Variants in EXOC5 observed in about 807,000 individuals in gnomAD.
EXOC5 encodes exocyst complex component 5.
Under a neutral mutation model 90.8 loss-of-function variants are expected in EXOC5, and 17 were observed. That is an observed-to-expected ratio of 0.19 (90% CI 0.13 to 0.28). The LOEUF (loss-of-function observed/expected upper bound fraction) is 0.28. Among genes scored for constraint, EXOC5 ranks in the 10% least tolerant of loss-of-function variants. EXOC5 has a pLI of 1.00. For missense variants in EXOC5, 569 were observed against 830.6 expected (o/e 0.69, Z 3.87); for synonymous variants, 260 against 270.0 (o/e 0.96, Z 0.36).
In EXOC5 at chr14:57,204,388, C is replaced by A. The variant is rs1287067345; in HGVS notation, c.*4221G>T. On this transcript the variant is annotated 3_prime_UTR_variant, in exon 18 of 18. Coordinates refer to ENST00000621441, the MANE Select transcript of EXOC5 (RefSeq NM_006544.4). ...GTAAGAGTTATGACAGCTTTTAAAA[C>A]CCTTAACATGCAATTCTGATTACAT... 1 of 152,044 alleles carries A rather than the reference C, an allele frequency of 6.6e-6. No individual in the cohort carries two copies. Among genetic ancestry groups the A allele is most frequent in the African/African-American group, 2.4e-5 (1 of 41,424 alleles). 9.4% of individuals were successfully genotyped at this position (152,044 alleles called of 1,614,324 possible).
rs534836624 is a variant in EXOC5, at chr14:57,233,917, A to G, written c.715-34T>C. 4.1e-5 allele frequency: 66 copies of G among 1,601,966 alleles called. No individual in the cohort carries two copies. In the South Asian group the frequency reaches 7.2e-4, roughly 17 times the overall value. The stretch of plus-strand genomic sequence containing the variant: ...CAGAGACATTTTATACAGTGAACAT[A>G]TAATTTCTACATGATTTTAAAACAA... On this transcript the variant is annotated intron_variant, in intron 8 of 17. Transcript: ENST00000621441.
At position 57,205,884 on chromosome 14, in the gene EXOC5, C is replaced by A; in HGVS notation, c.*2725G>T. 2.2e-6 allele frequency: 1 copy of A among 455,790 alleles called. No individual in the cohort carries two copies. Among genetic ancestry groups the A allele is most frequent in the Non-Finnish European group, 4.4e-6 (1 of 226,470 alleles). The allele number at this position is 455,790 out of a possible 1,614,324, so 28.2% of individuals were successfully genotyped here. A position where few individuals can be genotyped will look rare whatever the true frequency, so the allele number is the denominator to read the frequency against. On this transcript the variant is annotated 3_prime_UTR_variant, in exon 18 of 18. Coordinates refer to ENST00000621441, the MANE Select transcript of EXOC5 (RefSeq NM_006544.4). Reference sequence around the variant, plus strand: ...ACTATGGCAATCCTCAAAATGGGACCAAAAATTGTCCTGGAATGGTCAGGT... The same window carrying A: ...ACTATGGCAATCCTCAAAATGGGACAAAAAATTGTCCTGGAATGGTCAGGT...
intron 1 of EXOC5, among the ~76,000 whole-genome samples, chr14:57,262,384 A>G (rs1358223360): frequency 6.6e-6 from 1 of 151,834 alleles, no homozygotes; most frequent in Non-Finnish European, 1.5e-5. Flanking sequence ...GATGTCTTCC[A>G]CCTCCTGGCT....
Position 57,205,762 on chromosome 14 carries a change from A to T in EXOC5, c.*2847T>A, listed in dbSNP as rs775376793. The T allele has an allele frequency of 3.7e-5, 15 of 404,882 alleles. No individual in the cohort carries two copies. The highest frequency in any genetic ancestry group is 6.6e-5 in the Non-Finnish European group (14 of 210,922). 25.1% of individuals were successfully genotyped at this position (404,882 alleles called of 1,614,324 possible). On this transcript the variant is annotated 3_prime_UTR_variant, in exon 18 of 18. Transcript: ENST00000621441. ...GTGAAAGAGGGGGGAAAAAAGAATG[A>T]TCTACAATGTAATATAAATTAACCT...
chr14:57,265,397 C>T (rs1340313832), intron 1 of EXOC5, among the ~76,000 whole-genome samples: 2 of 151,982 alleles, frequency 1.3e-5, no homozygotes, highest in African/African-American at 4.8e-5. Flanking sequence ...CTCAGTAGTA[C>T]AATAAAAGGA....
chr14:57,218,307 A>G (rs1416860131), intron 14 of EXOC5, among the ~76,000 whole-genome samples: 1 of 152,110 alleles, frequency 6.6e-6, no homozygotes, highest in Non-Finnish European at 1.5e-5. Context: ...GAAGAGGACC[A>G]CTTAAATTTG....
rs1884787562 is a variant in EXOC5 at position 57,268,785 on chromosome 14, A to G, written c.-137T>C. The G allele has an allele frequency of 9.1e-6, 13 of 1,426,460 alleles. No individual in the cohort carries two copies. Among genetic ancestry groups the G allele is most frequent in the Non-Finnish European group, 1.2e-5 (13 of 1,096,788 alleles). 88.4% of individuals were successfully genotyped at this position (1,426,460 alleles called of 1,614,324 possible). ...GCCGCTGCGGGCTCCCCAGCTCCCC[A>G]CAGATCCCAGGAGGGGCGGGAGAGC... On this transcript the variant is annotated 5_prime_UTR_variant, in exon 1 of 18. Transcript: ENST00000621441.
intron 1 of EXOC5, among the ~76,000 whole-genome samples, chr14:57,249,782 T>C (rs1884135419): frequency 6.6e-6 from 1 of 152,042 alleles, no homozygotes; most frequent in South Asian, 2.1e-4. Context: ...TACTTATTTA[T>C]TTTTTTGAGA....
intron 7 of EXOC5, among the ~76,000 whole-genome samples, chr14:57,234,468 T>C (rs1000946181): frequency 1.3e-5 from 2 of 149,690 alleles, no homozygotes; most frequent in Non-Finnish European, 3.0e-5. Context: ...GTGTTTTATA[T>C]ACATATAAAT....
intron 1 of EXOC5, among the ~76,000 whole-genome samples, chr14:57,264,417 A>G (rs1033272389): frequency 6.6e-6 from 1 of 152,110 alleles, no homozygotes; most frequent in African/African-American, 2.4e-5. Context: ...CAATATTCAT[A>G]CTCTAATTTG....
intron 1 of EXOC5, among the ~76,000 whole-genome samples, chr14:57,255,735 G>C (rs1171693774): frequency 1.3e-5 from 2 of 151,952 alleles, no homozygotes; most frequent in African/African-American, 4.8e-5. Flanking sequence ...GGGAAGCTGA[G>C]GTAGGAGAAT....
intron 15 of EXOC5, among the ~76,000 whole-genome samples, chr14:57,215,204 C>A (rs1882937913): frequency 6.6e-6 from 1 of 151,686 alleles, no homozygotes; most frequent in Admixed American, 6.6e-5. Context: ...TGGACTCCAG[C>A]CTGGGCAACA....
chr14:57,230,261 T>C (rs941571824), intron 11 of EXOC5, among the ~76,000 whole-genome samples: 1 of 152,168 alleles, frequency 6.6e-6, no homozygotes, highest in African/African-American at 2.4e-5. Context: ...TAAAATATAG[T>C]CATTTTAAGA....
At chr14:57,268,326 G>C in intron 1 of EXOC5, 1 of 662,644 alleles carries the variant, frequency 1.5e-6, no homozygotes. Flanking sequence ...TCCAACACCC[G>C]AACCTTCCAG....
chr14:57,266,922 A>G (rs1055598469), intron 1 of EXOC5, among the ~76,000 whole-genome samples: 1 of 152,116 alleles, frequency 6.6e-6, no homozygotes, highest in Non-Finnish European at 1.5e-5. Context: ...AAAAATATAC[A>G]TAAGATGGTC....
chr14:57,219,631 CAA>C (rs145302796), intron 13 of EXOC5, among the ~76,000 whole-genome samples, 189 bp from the exon 14 acceptor site: 2,130 of 152,108 alleles, frequency 0.014, 48 homozygotes, highest in East Asian at 0.089. Context: ...AAAACTCATC[CAA>C]AGTTATTTTT....
At chr14:57,213,407 A>G (rs1052199098) in intron 15 of EXOC5, among the ~76,000 whole-genome samples, 1 of 151,268 alleles carries the variant, frequency 6.6e-6, no homozygotes, top group Non-Finnish European at 1.5e-5. Context: ...TTATTTTTAT[A>G]TATTTATTTA....
chr14:57,234,732 T>C (rs984341205), intron 7 of EXOC5, among the ~76,000 whole-genome samples: 45 of 151,502 alleles, frequency 3.0e-4, no homozygotes, highest in African/African-American at 1.1e-3. Flanking sequence ...CTCCGGCTAA[T>C]TTTTGTATTT....
Position 57,268,630 on chromosome 14 carries a change from G to T in EXOC5, c.19C>A (p.Leu7Ile), listed in dbSNP as rs1384272756. 3 of 1,591,058 alleles carry T rather than the reference G, an allele frequency of 1.9e-6. No homozygotes were observed. The highest frequency in any genetic ancestry group is 2.6e-6 in the Non-Finnish European group (3 of 1,174,594). Residue 7 changes from leucine to isoleucine, a missense_variant, in exon 1 of 18, where the codon CTC becomes ATC. Coordinates refer to ENST00000621441, the MANE Select transcript of EXOC5 (RefSeq NM_006544.4). Reference sequence around the variant, plus strand: ...GAGCCGCCGGGGCCCACCTCGAAGAGCTCGGCCGTGGTAGCCATCCCGGCC... The same window carrying T: ...GAGCCGCCGGGGCCCACCTCGAAGATCTCGGCCGTGGTAGCCATCCCGGCC... MATTAE[L>I]FEEPFVADEY... is the part of the protein sequence containing the mutation.
Sources: allele counts gnomAD v4.1 joint callset (sites outside exome capture counted in the v4.1 genomes callset), GRCh38; gene constraint gnomAD v4.1.1; transcripts MANE v1.5; gene names NCBI Gene and HGNC (gene_info 2026-07-23, HGNC 2026-07-21).